Variants in CD2AP observed in about 807,000 individuals in gnomAD.
CD2AP encodes the protein CD2 associated protein.
In CD2AP, 46 loss-of-function variants were observed where a neutral mutation model predicts 85.1. The observed-to-expected ratio is 0.54, with a 90% CI of 0.43 to 0.69. The LOEUF (loss-of-function observed/expected upper bound fraction) is 0.69, where lower values mean the gene tolerates loss of function less well. CD2AP is among the 30% of genes least tolerant of loss of function. The pLI, the probability that CD2AP is intolerant of heterozygous loss-of-function variation, is 0.00. For missense variants in CD2AP, 769 were observed against 729.5 expected (o/e 1.05, Z -0.62); for synonymous variants, 255 against 252.9 (o/e 1.01, Z -0.08).
intron 2 of CD2AP, among the ~76,000 whole-genome samples, chr6:47,526,252 A>G (rs1766724029): frequency 6.6e-6 from 1 of 152,108 alleles, no homozygotes; most frequent in Non-Finnish European, 1.5e-5. Context: ...GTGAGAGTGT[A>G]TGTGTGTGTT....
intron 3 of CD2AP, among the ~76,000 whole-genome samples, chr6:47,542,719 A>G (rs929254602): frequency 6.6e-6 from 1 of 152,202 alleles, no homozygotes; most frequent in Non-Finnish European, 1.5e-5. Context: ...GTATTTTGTT[A>G]TAGCAGCACA....
At chr6:47,487,878 A>AT (rs933839349) in intron 1 of CD2AP, among the ~76,000 whole-genome samples, 1 of 152,156 alleles carries the variant, frequency 6.6e-6, no homozygotes, top group African/African-American at 2.4e-5. Context: ...ACTAAGTCTG[A>AT]TTCAGTAATA....
chr6:47,521,229 CATAATT>C (rs1052593795), intron 2 of CD2AP, among the ~76,000 whole-genome samples: 6 of 152,058 alleles, frequency 3.9e-5, no homozygotes, highest in East Asian at 3.9e-4. Context: ...TCTAAATACT[CATAATT>C]ATAAAAGTTC....
chr6:47,540,569 T>A (rs1767189426), intron 3 of CD2AP, among the ~76,000 whole-genome samples: 1 of 152,206 alleles, frequency 6.6e-6, no homozygotes, highest in Non-Finnish European at 1.5e-5. Context: ...ATCTTTTTTT[T>A]TCATTTTTTG....
chr6:47,548,697 A>G (rs924001901), intron 4 of CD2AP, among the ~76,000 whole-genome samples: 1 of 152,198 alleles, frequency 6.6e-6, no homozygotes, highest in African/African-American at 2.4e-5. Flanking sequence ...TCCCTAAATC[A>G]TTCTGTGAAG....
chr6:47,574,032 T>C (rs1768231030), intron 5 of CD2AP, 32 bp from the exon 6 acceptor site: 1 of 1,579,712 alleles, frequency 6.3e-7, no homozygotes, highest in Admixed American at 1.7e-5. Flanking sequence ...TGATTCTAGG[T>C]GTCATTCTTC....
At position 47,501,489 on chromosome 6, in the gene CD2AP, C is replaced by T. The variant is rs539859568; in HGVS notation, c.5-1791C>T. On this transcript the variant is annotated intron_variant, in intron 1 of 17. Coordinates refer to ENST00000359314, the MANE Select transcript of CD2AP (RefSeq NM_012120.3). Reference sequence around the variant, plus strand: ...AACTCCCTGGGGCTGAGAGAATCTTCGCCTGTAAAGTACAGGGTCTCAAAA... The same window carrying T: ...AACTCCCTGGGGCTGAGAGAATCTTTGCCTGTAAAGTACAGGGTCTCAAAA... Among the ~76,000 whole-genome samples the T allele has an allele frequency of 3.1e-4, 47 of 152,268 alleles. No individual in the cohort carries two copies. The South Asian group carries it at 7.1e-3, about 23-fold the overall frequency.
chr6:47,507,391 C>T (rs1030021777), intron 2 of CD2AP, among the ~76,000 whole-genome samples: 1 of 152,124 alleles, frequency 6.6e-6, no homozygotes, highest in African/African-American at 2.4e-5. Context: ...CTCTAGAAAC[C>T]TTTCCGGGAG....
intron 17 of CD2AP, among the ~76,000 whole-genome samples, chr6:47,619,275 T>C (rs1355953291): frequency 6.6e-6 from 1 of 152,060 alleles, no homozygotes; most frequent in Non-Finnish European, 1.5e-5. Context: ...TTCTTATGCC[T>C]TTGCTTCCTC....
At chr6:47,571,875 T>C (rs1179983908) in intron 5 of CD2AP, among the ~76,000 whole-genome samples, 2 of 152,154 alleles carry the variant, frequency 1.3e-5, no homozygotes, top group Non-Finnish European at 2.9e-5. Flanking sequence ...CTAAAAAAGC[T>C]TCACACTAAT....
intron 1 of CD2AP, 136 bp downstream of exon 1, chr6:47,478,384 A>T (rs1765359936): frequency 2.0e-6 from 2 of 1,009,196 alleles, no homozygotes; most frequent in Admixed American, 2.0e-5. Flanking sequence ...CATTCTCCCC[A>T]CCGCCCCTTC....
intron 1 of CD2AP, among the ~76,000 whole-genome samples, chr6:47,494,576 T>C (rs1324312807): frequency 6.6e-6 from 1 of 152,152 alleles, no homozygotes; most frequent in Non-Finnish European, 1.5e-5. Flanking sequence ...ATACTCAGGT[T>C]GTATTTCGCA....
At chr6:47,608,466 A>G (rs1170729417) in intron 15 of CD2AP, among the ~76,000 whole-genome samples, 1 of 152,086 alleles carries the variant, frequency 6.6e-6, no homozygotes, top group Non-Finnish European at 1.5e-5. Context: ...CAAAATTTTT[A>G]CCATTTTTAT....
chr6:47,610,971 A>ATATATATTTTTT, intron 16 of CD2AP, among the ~76,000 whole-genome samples: 3 of 112,906 alleles, frequency 2.7e-5, no homozygotes, highest in African/African-American at 1.1e-4. Flanking sequence ...ATATATATGT[A>ATATATATTTTTT]TTTTTTTTTT....
At chr6:47,546,600 A>C (rs1767370966) in intron 4 of CD2AP, among the ~76,000 whole-genome samples, 1 of 152,180 alleles carries the variant, frequency 6.6e-6, no homozygotes, top group Non-Finnish European at 1.5e-5. Flanking sequence ...AGTTTAAAAA[A>C]CATATTTGGG....
intron 5 of CD2AP, among the ~76,000 whole-genome samples, chr6:47,573,738 C>T (rs182173998): frequency 3.3e-5 from 5 of 152,180 alleles, no homozygotes; most frequent in Admixed American, 3.3e-4. Flanking sequence ...ATCTGCCAGT[C>T]TCAGCCTCCC....
At chr6:47,529,028 A>G (rs1766801040) in intron 2 of CD2AP, among the ~76,000 whole-genome samples, 1 of 152,160 alleles carries the variant, frequency 6.6e-6, no homozygotes, top group Admixed American at 6.5e-5. Context: ...GAACTTGGGC[A>G]TCATCTTTGA....
At chr6:47,505,011 CTTTTTTTTTTTTTTT>C (rs58060161) in intron 2 of CD2AP, among the ~76,000 whole-genome samples, 2 of 95,116 alleles carry the variant, frequency 2.1e-5, no homozygotes, top group Admixed American at 1.3e-4. Context: ...GTGGCAGTTT[CTTTTTTTTTTTTTTT>C]TTTTTTTTTT....
chr6:47,536,310 A>G (rs1369739609), intron 3 of CD2AP, among the ~76,000 whole-genome samples: 1 of 151,662 alleles, frequency 6.6e-6, no homozygotes, highest in Non-Finnish European at 1.5e-5. Flanking sequence ...TTGTATTGTT[A>G]CATAGTAGCA....
Sources: allele counts gnomAD v4.1 joint callset (sites outside exome capture counted in the v4.1 genomes callset), GRCh38; gene constraint gnomAD v4.1.1; transcripts MANE v1.5; gene names NCBI Gene and HGNC (gene_info 2026-07-23, HGNC 2026-07-21).